Variants in ANKRD44 observed in about 807,000 individuals in gnomAD.
ANKRD44 encodes ankyrin repeat domain 44, also known as serine/threonine-protein phosphatase 6 regulatory ankyrin repeat subunit B.
Under a neutral mutation model 116.0 loss-of-function variants are expected in ANKRD44, and 35 were observed. That is an observed-to-expected ratio of 0.30 (90% CI 0.23 to 0.40). ANKRD44 has a LOEUF of 0.40. Among genes scored for constraint, ANKRD44 ranks in the 10% least tolerant of loss-of-function variants. The pLI is 1.00. For synonymous variants in ANKRD44, 435 were observed against 461.8 expected (o/e 0.94, Z 0.74); for missense variants, 1,014 against 1,242.6 (o/e 0.82, Z 2.77).
At chr2:196,969,206 C>T (rs994107043) in intron 21 of ANKRD44, among the ~76,000 whole-genome samples, 1 of 152,158 alleles carries the variant, frequency 6.6e-6, no homozygotes, top group East Asian at 1.9e-4. Context: ...AAATATACTT[C>T]AATATTTATT....
chr2:197,083,293 G>A (rs2077839823), intron 14 of ANKRD44, 76 bp downstream of exon 14: 6 of 1,505,188 alleles, frequency 4.0e-6, no homozygotes, highest in South Asian at 2.7e-5. Flanking sequence ...GAGGCGGTAT[G>A]AAGAAAACTT....
chr2:197,299,770 C>G (rs1201015051), intron 1 of ANKRD44, among the ~76,000 whole-genome samples: 2 of 152,136 alleles, frequency 1.3e-5, no homozygotes, highest in African/African-American at 4.8e-5. Flanking sequence ...CAGAAATCAC[C>G]ACTAAAGAAC....
chr2:197,105,849 T>C (rs1318817601), intron 9 of ANKRD44, among the ~76,000 whole-genome samples: 1 of 152,158 alleles, frequency 6.6e-6, no homozygotes, highest in Non-Finnish European at 1.5e-5. Flanking sequence ...GTGGTCTGCC[T>C]GAAAGCCCCA....
chr2:197,189,755 A>G (rs1366223057), intron 1 of ANKRD44, among the ~76,000 whole-genome samples: 1 of 152,244 alleles, frequency 6.6e-6, no homozygotes, highest in African/African-American at 2.4e-5. Context: ...TTAAATCAGG[A>G]GTAGTCAATC....
At chr2:197,299,202 T>C (rs2083819025) in intron 1 of ANKRD44, among the ~76,000 whole-genome samples, 2 of 152,268 alleles carry the variant, frequency 1.3e-5, no homozygotes, top group Admixed American at 6.5e-5. Context: ...CCTCTTACAA[T>C]TGATTTTTTA....
intron 2 of ANKRD44, among the ~76,000 whole-genome samples, chr2:197,160,063 C>T (rs762658814): frequency 6.6e-6 from 1 of 151,998 alleles, no homozygotes; most frequent in Non-Finnish European, 1.5e-5. Flanking sequence ...CACACATACA[C>T]ACATGCACAC....
intron 16 of ANKRD44, among the ~76,000 whole-genome samples, chr2:197,072,522 A>G (rs1211642544): frequency 6.6e-6 from 1 of 152,212 alleles, no homozygotes; most frequent in Admixed American, 6.5e-5. Context: ...ATCTTCTATG[A>G]AATACCTTCC....
Position 197,094,995 on chromosome 2 carries a change from C to T in ANKRD44, c.1100+4821G>A, listed in dbSNP as rs574921690. On this transcript the variant is annotated intron_variant, in intron 10 of 27. Transcript: ENST00000282272. ...CCTCTAAGTGCCAGGCTCTGTCCTG[C>T]CCCCAGGCCTTTGCACATACCAGTC... 1.1e-4 allele frequency among the ~76,000 whole-genome samples: 16 copies of T among 152,286 alleles called. No homozygotes were observed. In the South Asian group the frequency reaches 3.3e-3, roughly 32 times the overall value.
At chr2:197,140,241 G>A (rs955643154) in intron 3 of ANKRD44, among the ~76,000 whole-genome samples, 6 of 151,936 alleles carry the variant, frequency 3.9e-5, no homozygotes, top group Admixed American at 6.6e-5. Flanking sequence ...AAAGTGTGCC[G>A]GTTCACACCC....
intron 1 of ANKRD44, among the ~76,000 whole-genome samples, chr2:197,265,631 C>A (rs1208037521): frequency 6.6e-6 from 1 of 152,050 alleles, no homozygotes; most frequent in Non-Finnish European, 1.5e-5. Context: ...AATGACAGAA[C>A]ATTTTGTTTC....
chr2:196,968,243 G>A (rs1276057884), intron 21 of ANKRD44, among the ~76,000 whole-genome samples: 2 of 152,194 alleles, frequency 1.3e-5, no homozygotes, highest in Non-Finnish European at 2.9e-5. Flanking sequence ...ATGTGGAAAT[G>A]GAATTGGTTG....
At chr2:197,111,793 C>G (rs2078574049) in intron 8 of ANKRD44, among the ~76,000 whole-genome samples, 1 of 148,568 alleles carries the variant, frequency 6.7e-6, no homozygotes, top group Non-Finnish European at 1.5e-5. Context: ...CAGAAAAAAA[C>G]AAAACCATAA....
At chr2:197,103,521 G>A (rs2078352099) in intron 9 of ANKRD44, among the ~76,000 whole-genome samples, 1 of 151,968 alleles carries the variant, frequency 6.6e-6, no homozygotes, top group Non-Finnish European at 1.5e-5. Context: ...TGGTTGCCAG[G>A]GGCTGGGGAC....
intron 10 of ANKRD44, among the ~76,000 whole-genome samples, chr2:197,093,271 T>C (rs1435407641): frequency 6.6e-6 from 1 of 152,052 alleles, no homozygotes; most frequent in African/African-American, 2.4e-5. Context: ...AGAAACCAAT[T>C]GGGAAAAACA....
chr2:197,064,092 C>T (rs2077379555), intron 16 of ANKRD44, among the ~76,000 whole-genome samples: 1 of 152,212 alleles, frequency 6.6e-6, no homozygotes, highest in Non-Finnish European at 1.5e-5. Context: ...ATCAGACTAA[C>T]AGCTGATCTC....
intron 1 of ANKRD44, among the ~76,000 whole-genome samples, chr2:197,211,586 C>A (rs1053997900): frequency 3.9e-5 from 6 of 152,100 alleles, no homozygotes; most frequent in Non-Finnish European, 5.9e-5. Flanking sequence ...AAAATAATGT[C>A]TTTAGTTAAC....
chr2:197,103,344 C>G (rs1036890166), intron 9 of ANKRD44, among the ~76,000 whole-genome samples: 2 of 151,422 alleles, frequency 1.3e-5, no homozygotes, highest in African/African-American at 4.9e-5. Flanking sequence ...CACATGTTTT[C>G]TATACGTGAA....
At chr2:197,239,152 G>C (rs995142859) in intron 1 of ANKRD44, among the ~76,000 whole-genome samples, 2 of 152,190 alleles carry the variant, frequency 1.3e-5, no homozygotes, top group African/African-American at 4.8e-5. Flanking sequence ...GGATAAACAA[G>C]GGTAATGATC....
intron 1 of ANKRD44, among the ~76,000 whole-genome samples, chr2:197,234,492 C>T (rs6758756): frequency 0.1 from 15,975 of 152,220 alleles, 907 homozygotes; most frequent in Non-Finnish European, 0.13. Flanking sequence ...ACGCCCAGCC[C>T]AGCCACAGGC....
Sources: gnomAD v4.1 joint callset for allele counts (sites outside exome capture counted in the v4.1 genomes callset) on GRCh38, gnomAD v4.1.1 for gene constraint, MANE v1.5 for transcripts, NCBI Gene and HGNC (gene_info 2026-07-23, HGNC 2026-07-21) for gene names.